Variants in RBFOX1 observed in about 807,000 individuals in gnomAD.
RBFOX1 encodes RNA binding protein fox-1 homolog 1.
RBFOX1 carries 8 observed loss-of-function variants against 57.7 expected under a neutral mutation model. The ratio of observed to expected loss-of-function variants is 0.14; its 90% CI spans 0.08 to 0.25. RBFOX1 has a LOEUF of 0.25. Among genes scored for constraint, RBFOX1 ranks in the 10% least tolerant of loss-of-function variants. The pLI is 1.00. For synonymous variants in RBFOX1, 326 were observed against 222.4 expected (o/e 1.47, Z -4.15); for missense variants, 611 against 548.5 (o/e 1.11, Z -1.14).
chr16:6,762,518 T>A (rs1179456468), intron 3 of RBFOX1, among the ~76,000 whole-genome samples: 2 of 152,164 alleles, frequency 1.3e-5, no homozygotes, highest in Non-Finnish European at 2.9e-5. Context: ...GTTACCCCTT[T>A]ACAAGGTATA....
intron 4 of RBFOX1, among the ~76,000 whole-genome samples, chr16:7,479,290 T>C (rs1054975262): frequency 6.6e-6 from 1 of 151,680 alleles, no homozygotes; most frequent in Non-Finnish European, 1.5e-5. Context: ...CACTGGCTAA[T>C]TTATTGTATT....
chr16:6,531,555 A>G (rs1352895832), intron 2 of RBFOX1, among the ~76,000 whole-genome samples: 2 of 152,168 alleles, frequency 1.3e-5, no homozygotes, highest in African/African-American at 4.8e-5. Context: ...GGCTTTTGGA[A>G]AATACCTATT....
At chr16:5,319,357 C>G (rs1053199916) in intron 1 of RBFOX1, among the ~76,000 whole-genome samples, 2 of 152,140 alleles carry the variant, frequency 1.3e-5, no homozygotes, top group Non-Finnish European at 2.9e-5. Context: ...GGAGTTTGCT[C>G]TGAATTTGTC....
chr16:7,142,303 C>T (rs1306954441), intron 4 of RBFOX1, among the ~76,000 whole-genome samples: 1 of 152,148 alleles, frequency 6.6e-6, no homozygotes, highest in African/African-American at 2.4e-5. Context: ...GGATTATGGA[C>T]ATGAGCCACC....
chr16:7,586,883 A>G (rs2094154201), intron 6 of RBFOX1, among the ~76,000 whole-genome samples: 1 of 152,218 alleles, frequency 6.6e-6, no homozygotes, highest in Non-Finnish European at 1.5e-5. Context: ...CATTTCATCA[A>G]GGGTGTTTCT....
chr16:7,227,451 C>A (rs1388208700), intron 4 of RBFOX1, among the ~76,000 whole-genome samples: 1 of 152,164 alleles, frequency 6.6e-6, no homozygotes, highest in Non-Finnish European at 1.5e-5. Context: ...ATTAATAAAG[C>A]ACTTAAAAGT....
intron 4 of RBFOX1, among the ~76,000 whole-genome samples, chr16:7,138,255 G>T (rs988226546): frequency 2.0e-5 from 3 of 152,076 alleles, no homozygotes; most frequent in Admixed American, 6.6e-5. Context: ...TTGCTGAGAG[G>T]GTGCAGATAT....
At chr16:7,580,964 A>G (rs1040026195) in intron 6 of RBFOX1, among the ~76,000 whole-genome samples, 4 of 152,176 alleles carry the variant, frequency 2.6e-5, no homozygotes, top group Non-Finnish European at 5.9e-5. Context: ...AAGGAACAAG[A>G]AGATGCCCAA....
Position 6,801,053 on chromosome 16 carries a change from C to G in RBFOX1, c.-16+146403C>G, listed in dbSNP as rs116795316. On this transcript the variant is annotated intron_variant, in intron 3 of 15. Transcript: ENST00000550418. Reference sequence around the variant, plus strand: ...AATGATACTTAAACTTGAACATGCACAAAAATCAGACGGAGGACTTGTTAA... The same window carrying G: ...AATGATACTTAAACTTGAACATGCAGAAAAATCAGACGGAGGACTTGTTAA... Among the ~76,000 whole-genome samples the G allele has an allele frequency of 4.6e-3, 693 of 152,098 alleles. 8 individuals are homozygous for G. Among genetic ancestry groups the G allele is most frequent in the African/African-American group, 0.015 (634 of 41,510 alleles).
chr16:5,454,961 T>TCC (rs1215197377), intron 1 of RBFOX1, among the ~76,000 whole-genome samples: 61 of 47,416 alleles, frequency 1.3e-3, no homozygotes, highest in South Asian at 1.5e-3. Flanking sequence ...CTTCCTTCCT[T>TCC]TCTTTCTTTC....
chr16:5,373,671 C>A (rs1596717474), intron 1 of RBFOX1, among the ~76,000 whole-genome samples: 1 of 151,942 alleles, frequency 6.6e-6, no homozygotes, highest in African/African-American at 2.4e-5. Flanking sequence ...GTGGTGCGAT[C>A]TTGGCTCACT....
intron 3 of RBFOX1, among the ~76,000 whole-genome samples, chr16:6,662,874 A>T (rs954157339): frequency 6.6e-6 from 1 of 152,198 alleles, no homozygotes; most frequent in African/African-American, 2.4e-5. Flanking sequence ...CTTTAAAACA[A>T]ATACTCCCAT....
chr16:6,871,457 A>G (rs976070147), intron 3 of RBFOX1, among the ~76,000 whole-genome samples: 2 of 152,116 alleles, frequency 1.3e-5, no homozygotes, highest in Non-Finnish European at 2.9e-5. Context: ...AATTGCTGGG[A>G]TTACAGGTGT....
intron 2 of RBFOX1, among the ~76,000 whole-genome samples, chr16:6,641,380 C>A (rs187533243): frequency 6.6e-6 from 1 of 152,086 alleles, no homozygotes; most frequent in African/African-American, 2.4e-5. Flanking sequence ...ATTTATAAAT[C>A]CAAGGGAGCA....
chr16:6,766,657 CTAAT>C (rs1333199060), intron 3 of RBFOX1, among the ~76,000 whole-genome samples: 1 of 151,952 alleles, frequency 6.6e-6, no homozygotes, highest in Non-Finnish European at 1.5e-5. Context: ...TAAATTCTAT[CTAAT>C]TAGCCACATG....
In RBFOX1 at chr16:5,555,994, C is replaced by G. The variant is rs2045659157; in HGVS notation, c.259-42908C>G. Among the ~76,000 whole-genome samples the G allele has an allele frequency of 2.0e-5, 3 of 152,138 alleles. No homozygotes were observed. The South Asian group carries it at 6.2e-4, about 32-fold the overall frequency. ...TGAGGTCATGCCATTGCACTCCAGC[C>G]TGGGCAAGAGAGTGAGACTCTGTCT... On this transcript the variant is annotated intron_variant, in intron 2 of 2. Transcript: ENST00000585867.
At chr16:6,580,444 A>G (rs2097521139) in intron 2 of RBFOX1, among the ~76,000 whole-genome samples, 2 of 152,320 alleles carry the variant, frequency 1.3e-5, no homozygotes, top group Admixed American at 1.3e-4. Flanking sequence ...ATTAAGCTAC[A>G]CTGATATGCA....
intron 1 of RBFOX1, among the ~76,000 whole-genome samples, chr16:5,254,500 G>A (rs1997284): frequency 1 from 152,255 of 152,336 alleles, 76,087 homozygotes; most frequent in Non-Finnish European, 1. Context: ...AAAGGAGTCT[G>A]TATCATATTT....
intron 14 of RBFOX1, among the ~76,000 whole-genome samples, chr16:7,680,458 G>C: frequency 1.3e-5 from 2 of 152,206 alleles, no homozygotes; most frequent in Admixed American, 1.3e-4. Context: ...GTCCCTCCAC[G>C]TCAGGGCTGA....
Sources: allele counts gnomAD v4.1 joint callset (sites outside exome capture counted in the v4.1 genomes callset), GRCh38; gene constraint gnomAD v4.1.1; transcripts MANE v1.5; gene names NCBI Gene and HGNC (gene_info 2026-07-23, HGNC 2026-07-21).